The following TASP1 variants were observed in gnomAD, a reference collection of about 807,000 sequenced individuals.
TASP1 encodes taspase 1.
In TASP1, 16 loss-of-function variants were observed where a neutral mutation model predicts 56.6. The observed-to-expected ratio is 0.28, with a 90% CI of 0.19 to 0.43. The LOEUF (loss-of-function observed/expected upper bound fraction) is 0.43. TASP1 is among the 20% of genes least tolerant of loss of function. The pLI, the probability that TASP1 is intolerant of heterozygous loss-of-function variation, is 1.00. For synonymous variants in TASP1, 179 were observed against 184.2 expected, an observed-to-expected ratio of 0.97 and a Z score of 0.23; for missense variants, 393 against 511.6, an observed-to-expected ratio of 0.77 and a Z score of 2.24.
chr20:13,441,505 A>T (rs1245875458), intron 11 of TASP1, among the ~76,000 whole-genome samples: 1 of 152,194 alleles, frequency 6.6e-6, no homozygotes, highest in Non-Finnish European at 1.5e-5. Context: ...GTAAGGAGCT[A>T]ACCATGTGAT....
At chr20:13,372,582 C>T in the TASP1 span, among the ~76,000 whole-genome samples, 1 of 151,420 alleles carries the variant, frequency 6.6e-6, no homozygotes, top group South Asian at 2.1e-4. Flanking sequence ...TGTATGTATG[C>T]ATATGCTACT....
chr20:13,185,003 T>C, the TASP1 span, among the ~76,000 whole-genome samples: 23 of 152,002 alleles, frequency 1.5e-4, no homozygotes, highest in Non-Finnish European at 2.6e-4. Context: ...AGATTTTTTT[T>C]CCCTCAAATA....
intron 10 of TASP1, among the ~76,000 whole-genome samples, chr20:13,495,842 A>G (rs2043701869): frequency 6.6e-6 from 1 of 152,158 alleles, no homozygotes; most frequent in Non-Finnish European, 1.5e-5. Context: ...TGTGCTTCCC[A>G]ATCTCTCTCA....
the TASP1 span, among the ~76,000 whole-genome samples, chr20:13,318,084 C>G: frequency 6.6e-6 from 1 of 150,758 alleles, no homozygotes; most frequent in Non-Finnish European, 1.5e-5. Flanking sequence ...TAAAACTCAA[C>G]AATAAGAACA....
At chr20:13,337,680 C>A in the TASP1 span, among the ~76,000 whole-genome samples, 1 of 152,190 alleles carries the variant, frequency 6.6e-6, no homozygotes, top group African/African-American at 2.4e-5. Flanking sequence ...TTATTTCATG[C>A]TTCTTGGTAA....
intron 13 of TASP1, among the ~76,000 whole-genome samples, chr20:13,392,155 C>A (rs970576189): frequency 6.6e-6 from 1 of 151,874 alleles, no homozygotes; most frequent in African/African-American, 2.4e-5. Flanking sequence ...AACAAAGTAC[C>A]TTTACAATAT....
At chr20:13,478,381 T>C (rs2043019221) in intron 11 of TASP1, among the ~76,000 whole-genome samples, 1 of 149,572 alleles carries the variant, frequency 6.7e-6, no homozygotes, top group Non-Finnish European at 1.5e-5. Context: ...ACACGAATAC[T>C]ATTCAGCCAC....
chr20:13,286,204 G>A, the TASP1 span, among the ~76,000 whole-genome samples: 1,064 of 152,244 alleles, frequency 7.0e-3, 3 homozygotes, highest in Non-Finnish European at 0.011. Flanking sequence ...GTGCTCATGT[G>A]CGTATGACCC....
chr20:13,409,365 A>C (rs760291855), intron 13 of TASP1, among the ~76,000 whole-genome samples: 11 of 151,998 alleles, frequency 7.2e-5, no homozygotes, highest in Non-Finnish European at 1.6e-4. Context: ...CTATGACTAC[A>C]GATTTGTCTA....
chr20:13,371,604 T>G, the TASP1 span, among the ~76,000 whole-genome samples: 1 of 152,178 alleles, frequency 6.6e-6, no homozygotes, highest in African/African-American at 2.4e-5. Context: ...CCTTGTGCAC[T>G]TGAGAAGAAT....
the TASP1 span, among the ~76,000 whole-genome samples, chr20:13,197,431 C>T: frequency 2.6e-5 from 4 of 152,156 alleles, no homozygotes; most frequent in Admixed American, 2.6e-4. Context: ...TAGAAGTCAC[C>T]TCTAATTGCT....
At chr20:13,445,217 C>A (rs1456356747) in intron 11 of TASP1, among the ~76,000 whole-genome samples, 1 of 152,112 alleles carries the variant, frequency 6.6e-6, no homozygotes, top group Non-Finnish European at 1.5e-5. Context: ...CAGTAATAAA[C>A]CAAACCAAAC....
chr20:13,145,759 C>A, the TASP1 span, among the ~76,000 whole-genome samples: 2 of 152,254 alleles, frequency 1.3e-5, no homozygotes, highest in African/African-American at 2.4e-5. Context: ...GCTACAGCAA[C>A]CAAAACAGCA....
intron 4 of TASP1, among the ~76,000 whole-genome samples, chr20:13,599,100 C>G (rs187466583): frequency 2.3e-3 from 348 of 152,280 alleles, no homozygotes; most frequent in African/African-American, 7.6e-3. Flanking sequence ...TTAGTTCAAC[C>G]ATTGTGGAAG....
At chr20:13,160,188 A>G in the TASP1 span, 1 of 1,540,842 alleles carries the variant, frequency 6.5e-7, no homozygotes, top group African/African-American at 1.4e-5. Context: ...ATTCAAAGCA[A>G]GTCCTTTTGT....
chr20:13,304,823 T>C, the TASP1 span, among the ~76,000 whole-genome samples: 1 of 152,096 alleles, frequency 6.6e-6, no homozygotes, highest in Non-Finnish European at 1.5e-5. Flanking sequence ...CCTATAGCAG[T>C]CACCTACTTG....
the TASP1 span, among the ~76,000 whole-genome samples, chr20:13,311,243 T>TAGATGATAGATAGATA: frequency 1.4e-3 from 185 of 127,910 alleles, 1 homozygote; most frequent in Middle Eastern, 7.7e-3. Flanking sequence ...GATAGATAGA[T>TAGATGATAGATAGATA]GATAGATAGA....
intron 7 of TASP1, among the ~76,000 whole-genome samples, chr20:13,568,157 T>A (rs1048648368): frequency 2.6e-5 from 4 of 151,976 alleles, no homozygotes; most frequent in East Asian, 1.9e-4. Context: ...TGAATATAAT[T>A]TTTTTTTAGA....
At chr20:13,180,811 A>G in the TASP1 span, among the ~76,000 whole-genome samples, 3 of 152,232 alleles carry the variant, frequency 2.0e-5, no homozygotes, top group Admixed American at 6.5e-5. Flanking sequence ...GAAGGAAGAT[A>G]AAAGCCACTT....
Sources: gnomAD v4.1 joint callset for allele counts (sites outside exome capture counted in the v4.1 genomes callset) on GRCh38, gnomAD v4.1.1 for gene constraint, MANE v1.5 for transcripts, NCBI Gene and HGNC (gene_info 2026-07-23, HGNC 2026-07-21) for gene names.